CIC: variants seen among roughly 807,000 people sequenced by gnomAD.
CIC encodes capicua transcriptional repressor.
A neutral mutation model predicts 115.7 loss-of-function variants in CIC; 18 were observed. The observed-to-expected ratio is 0.16, with a 90% CI of 0.11 to 0.23. The LOEUF is 0.23. Among genes scored for constraint, CIC ranks in the 10% least tolerant of loss-of-function variants. The pLI is 1.00. For missense variants in CIC, 2,000 were observed against 2,159.3 expected, an observed-to-expected ratio of 0.93 and a Z score of 1.46; for synonymous variants, 1,076 against 923.0, an observed-to-expected ratio of 1.17 and a Z score of -3.01.
chr19:42,280,674 C>G lies in CIC; in HGVS notation c.2794+6097C>G, dbSNP rs970427640. On this transcript the variant is annotated intron_variant, in intron 2 of 20. Transcript: ENST00000681038. The surrounding 1 kb of genome is among the most constrained non-coding windows in gnomAD (Gnocchi z 4.9). ...GTGGGTGTCAGGCCGGCCGGGCACC[C>G]GTCCGCCCTCCCTGCACAAAGCGGC... Among the ~76,000 whole-genome samples the G allele has an allele frequency of 4.6e-5, 7 of 152,118 alleles. No individual in the cohort carries two copies. Among genetic ancestry groups the G allele is most frequent in the African/African-American group, 1.7e-4 (7 of 41,438 alleles).
intron 10 of CIC, 46 bp from the exon 11 acceptor site, chr19:42,290,187 G>A: frequency 6.2e-7 from 1 of 1,613,050 alleles, no homozygotes; most frequent in Non-Finnish European, 8.5e-7. Context: ...TGCTATCGAG[G>A]TGTCGGAGTG....
At chr19:42,275,521 G>T (rs2036940836) in intron 2 of CIC, among the ~76,000 whole-genome samples, 1 of 152,142 alleles carries the variant, frequency 6.6e-6, no homozygotes, top group African/African-American at 2.4e-5. Context: ...GGTGGCTGGA[G>T]AGCTGAGGCT....
At chr19:42,281,257 G>T (rs1350593019) in intron 2 of CIC, among the ~76,000 whole-genome samples, 1 of 152,198 alleles carries the variant, frequency 6.6e-6, no homozygotes, top group Non-Finnish European at 1.5e-5. Flanking sequence ...GCCGGCAGGG[G>T]TGCGGTGCCT....
At chr19:42,281,053 GC>G (rs200876732) in intron 2 of CIC, among the ~76,000 whole-genome samples, 1 of 138,318 alleles carries the variant, frequency 7.2e-6, no homozygotes, top group Non-Finnish European at 1.5e-5. Context: ...GCTATTTTTA[GC>G]CCCCCATCCT....
intron 7 of CIC, 142 bp from the exon 8 acceptor site, chr19:42,288,746 G>A: frequency 1.3e-6 from 1 of 764,254 alleles, no homozygotes; most frequent in Non-Finnish European, 2.3e-6. Context: ...GTGGTGGGTG[G>A]TGGTTTTTTT....
At chr19:42,268,556 T>C (rs1346347797), upstream of CIC, 1 of 152,170 alleles carries the variant, frequency 6.6e-6, no homozygotes, top group Non-Finnish European at 1.5e-5. Flanking sequence ...CCGCTGCCAC[T>C]GAGAGGAGCC....
chr19:42,291,023 C>T lies in CIC; in HGVS notation c.4982C>T (p.Thr1661Ile). 6.2e-7 allele frequency: 1 copy of T among 1,613,722 alleles called. No homozygotes were observed. The highest frequency in any genetic ancestry group is 8.5e-7 in the Non-Finnish European group (1 of 1,179,984). Reference protein sequence around the residue: ...PHLVAGPLLGTVGKAPATVTN... With the variant: ...PHLVAGPLLGIVGKAPATVTN... ...TTGGTGGCTGGACCCCTGCTGGGCA[C>T]TGTGGGGAAGGCGCCTGCCACTGTC... The change falls in exon 11 of 21, where the codon ACT (threonine) becomes ATT (isoleucine). Residue 1661 changes from threonine to isoleucine, a missense_variant. This residue lies in a region of CIC where 1,466 missense variants were observed against 1,390.4 expected (regional missense o/e 1.05). Transcript: ENST00000681038.
Position 42,272,349 on chromosome 19 carries a change from C to T in CIC, c.566C>T (p.Pro189Leu), listed in dbSNP as rs1006999719. The T allele has an allele frequency of 4.0e-5, 16 of 398,412 alleles. No individual in the cohort carries two copies. The highest frequency in any genetic ancestry group is 6.2e-5 in the African/African-American group (3 of 48,630). The allele number at this position is 398,412 out of a possible 1,614,324, so 24.7% of individuals were successfully genotyped here. A position where few individuals can be genotyped will look rare whatever the true frequency, so the allele number is the denominator to read the frequency against. The change falls in exon 2 of 21, where the codon CCC becomes CTC. Residue 189 changes from proline to leucine, a missense_variant. Around this residue, in one of 8 missense-constraint regions of CIC, gnomAD observed 222 missense variants for 247.7 expected, o/e 0.90. Transcript: ENST00000681038. ...GAGGCTTGTGGTCCAGGCCCTTGGC[C>T]CCCTGGCAGCACCAGTGGCAGCTAT... The part of the protein sequence containing the change: ...PAEACGPGPW[P>L]PGSTSGSYDL...
chr19:42,292,001 TAG>T (rs1258567192), intron 12 of CIC, 83 bp from the exon 13 acceptor site: 1 of 1,592,482 alleles, frequency 6.3e-7, no homozygotes, highest in Admixed American at 1.7e-5. Context: ...TGCTTTTGCT[TAG>T]AGTCCCACTT....
In CIC at chr19:42,291,717, T is replaced by C. The variant is rs775981157; in HGVS notation, c.5585T>C (p.Val1862Ala). 6.2e-7 allele frequency: 1 copy of C among 1,612,968 alleles called. No individual in the cohort carries two copies. Among genetic ancestry groups the C allele is most frequent in the South Asian group, 1.1e-5 (1 of 91,078 alleles). The change falls in exon 12 of 21, where the codon GTG (valine) becomes GCG (alanine). Residue 1862 changes from valine to alanine, a missense_variant. Transcript: ENST00000681038. The stretch of plus-strand genomic sequence containing the variant: ...GTGAGCCCGCCCTTCTCAGTACCTG[T>C]GCAGAATGGTGCCCAGCCCCCCAGC... ...PLVSPPFSVPVQNGAQPPSKI... is the reference protein window; with the variant it reads ...PLVSPPFSVPAQNGAQPPSKI...
chr19:42,293,373 G>T, intron 16 of CIC, 92 bp downstream of exon 16: 1 of 1,406,632 alleles, frequency 7.1e-7, no homozygotes. Flanking sequence ...TTCTTTCCAT[G>T]CCTGTGTGTC....
rs371145542 is a variant in CIC, at chr19:42,293,718, G to A, written c.6649G>A (p.Glu2217Lys). 1.2e-6 allele frequency: 2 copies of A among 1,612,926 alleles called. No individual in the cohort carries two copies. Among genetic ancestry groups the A allele is most frequent in the Admixed American group, 1.7e-5 (1 of 59,988 alleles). Residue 2217 changes from glutamate to lysine, a missense_variant, in exon 17 of 21, where the codon GAG (glutamate) becomes AAG (lysine). By Grantham distance (56) the Glu-to-Lys change is moderately conservative. Coordinates refer to ENST00000681038, the MANE Select transcript of CIC (RefSeq NM_001386298.1). Reference sequence around the variant, plus strand: ...AGCTGTAGCCCCTGGTGGCAGCAGCGAGAGCAGCAGTGGGCGGGCAGCCGG... The same window carrying A: ...AGCTGTAGCCCCTGGTGGCAGCAGCAAGAGCAGCAGTGGGCGGGCAGCCGG... ...APAVAPGGSS[E>K]SSSGRAAGDT...
chr19:42,269,954 G>GC (rs1306893419), intron 1 of CIC, among the ~76,000 whole-genome samples: 1 of 151,948 alleles, frequency 6.6e-6, no homozygotes, highest in Non-Finnish European at 1.5e-5. Context: ...GAAGGTGAGG[G>GC]CCCCCGGGGC....
intron 12 of CIC, among the ~76,000 whole-genome samples, 157 bp downstream of exon 12, chr19:42,291,902 C>T (rs1373260262): frequency 1.3e-5 from 2 of 152,176 alleles, no homozygotes; most frequent in Non-Finnish European, 2.9e-5. Context: ...CTCTCAAGTC[C>T]TCAGTGTCTG....
intron 2 of CIC, among the ~76,000 whole-genome samples, chr19:42,278,684 C>T (rs559749985): frequency 8.5e-5 from 13 of 152,360 alleles, no homozygotes; most frequent in African/African-American, 3.1e-4. Flanking sequence ...CAGCCCCACC[C>T]TGTGCATATC....
At chr19:42,293,342 C>T (rs1599932621) in intron 16 of CIC, 61 bp downstream of exon 16, 4 of 1,493,656 alleles carry the variant, frequency 2.7e-6, no homozygotes, top group South Asian at 1.2e-5. Flanking sequence ...CCATTGACGT[C>T]TTTGCTTTTC....
chr19:42,294,563 C>T (rs1249467283), intron 19 of CIC, 41 bp from the exon 20 acceptor site: 19 of 1,611,098 alleles, frequency 1.2e-5, no homozygotes, highest in Admixed American at 5.0e-5. Context: ...GAAGGCCCTG[C>T]CGCTGCTGCA....
At position 42,270,880 on chromosome 19, in the gene CIC, C is replaced by T. The variant is rs151170696; in HGVS notation, c.-10-894C>T. On this transcript the variant is annotated intron_variant, in intron 1 of 20. Transcript: ENST00000681038. The surrounding 1 kb of genome is among the most constrained non-coding windows in gnomAD (Gnocchi z 4.1). ...TTGTGCGCGTGCGTGTGCTCATGCACGGCCCCGTGGCAGTGCTGGGTATGA... is the reference window on the plus strand; with the variant it reads ...TTGTGCGCGTGCGTGTGCTCATGCATGGCCCCGTGGCAGTGCTGGGTATGA... Among the ~76,000 whole-genome samples the T allele has an allele frequency of 2.0e-5, 3 of 152,236 alleles. No homozygotes were observed. The highest frequency in any genetic ancestry group is 4.8e-5 in the African/African-American group (2 of 41,542).
At position 42,280,825 on chromosome 19, in the gene CIC, G is replaced by T. The variant is rs1004438166; in HGVS notation, c.2795-5946G>T. Among the ~76,000 whole-genome samples, 1 of 151,924 alleles carries T rather than the reference G, an allele frequency of 6.6e-6. No individual in the cohort carries two copies. Among genetic ancestry groups the T allele is most frequent in the Admixed American group, 6.5e-5 (1 of 15,276 alleles). ...TGCTCGGGCCTTGGCGCCTCCCTCA[G>T]CCCGCGCCGACCAACCCTCCCAGCC... On this transcript the variant is annotated intron_variant, in intron 2 of 20. Coordinates refer to ENST00000681038, the MANE Select transcript of CIC (RefSeq NM_001386298.1). The surrounding 1 kb of genome is among the most constrained non-coding windows in gnomAD (Gnocchi z 4.9).
Sources: gnomAD v4.1 joint callset for allele counts (sites outside exome capture counted in the v4.1 genomes callset) on GRCh38, gnomAD v4.1.1 for gene constraint, gnomAD v4.1.1 regional missense constraint, Gnocchi (gnomAD v3.1) non-coding constraint, MANE v1.5 for transcripts, NCBI Gene and HGNC (gene_info 2026-07-23, HGNC 2026-07-21) for gene names.